The following PTGS2 variants were observed in gnomAD, a reference collection of about 807,000 sequenced individuals.
PTGS2 encodes prostaglandin-endoperoxide synthase 2.
In PTGS2, 14 loss-of-function variants were observed where a neutral mutation model predicts 63.8. The observed-to-expected ratio is 0.22, with a 90% CI of 0.14 to 0.34. The LOEUF is 0.34. Among genes scored for constraint, PTGS2 ranks in the 10% least tolerant of loss-of-function variants. The pLI is 1.00. For missense variants in PTGS2, 533 were observed against 738.5 expected (o/e 0.72, Z 3.23); for synonymous variants, 271 against 259.5 (o/e 1.04, Z -0.43).
Position 186,675,946 on chromosome 1 carries a change from A to G in PTGS2, c.1209T>C (p.His403=), listed in dbSNP as rs5279. The G allele has an allele frequency of 3.2e-3, 5,161 of 1,613,926 alleles. 150 individuals carry two copies. The African/African-American group carries it at 0.059, about 19-fold the overall frequency. ...FIYNNSILLE[H]GITQFVESFT... The stretch of plus-strand genomic sequence containing the variant: ...ATGATTCAACAAACTGGGTAATTCC[A>G]TGTTCCAGCAATATAGAGTTGTTGT... The change falls in exon 8 of 10, where the codon CAT becomes CAC. Residue 403 remains histidine (H), a synonymous_variant. Coordinates refer to ENST00000367468, the MANE Select transcript of PTGS2 (RefSeq NM_000963.4).
intron 5 of PTGS2, 49 bp from the exon 6 acceptor site, chr1:186,676,965 T>C (rs777493925): frequency 9.7e-6 from 13 of 1,346,692 alleles, no homozygotes; most frequent in Admixed American, 3.6e-5. Flanking sequence ...AAGTTTTTCT[T>C]ATATAAAGTG....
chr1:186,679,647 A>G (rs1179003812), intron 1 of PTGS2, among the ~76,000 whole-genome samples: 3 of 152,186 alleles, frequency 2.0e-5, no homozygotes, highest in South Asian at 2.1e-4. Flanking sequence ...AGCATATTCA[A>G]CTTGGTACAT....
rs201360946 is a variant in PTGS2 at position 186,672,266 on chromosome 1, A to G, written c.*2087T>C. On this transcript the variant is annotated 3_prime_UTR_variant, in exon 10 of 10. Coordinates refer to ENST00000367468, the MANE Select transcript of PTGS2 (RefSeq NM_000963.4). ...AAATTGTGGCTGAACAAATTAACGA[A>G]GCATCCACAGATCCCTCAAAACATT... The G allele has an allele frequency of 2.0e-5, 3 of 152,284 alleles. No individual in the cohort carries two copies. The highest frequency in any genetic ancestry group is 2.0e-4 in the Admixed American group (3 of 15,294). 9.4% of individuals were successfully genotyped at this position (152,284 alleles called of 1,614,324 possible). A position where few individuals can be genotyped will look rare whatever the true frequency, so the allele number is the denominator to read the frequency against.
In PTGS2 at chr1:186,674,511, G is replaced by A; in HGVS notation, c.1657C>T (p.Leu553Phe). The A allele has an allele frequency of 6.2e-7, 1 of 1,614,196 alleles. No individual in the cohort carries two copies. Among genetic ancestry groups the A allele is most frequent in the Non-Finnish European group, 8.5e-7 (1 of 1,180,036 alleles). ...CAGCCCTTCACGTTATTGCAGATGA[G>A]AGACTGAATTGAGGCAGTGTTGATG... is the stretch of plus-strand genomic sequence containing the variant. ...QIINTASIQS[L>F]ICNNVKGCPF... Residue 553 changes from leucine (L) to phenylalanine (F), a missense_variant, in exon 10 of 10, where the codon CTC becomes TTC. Leu to Phe is a conservative substitution (Grantham distance 22, BLOSUM62 0). This residue lies in a region of PTGS2 where 219 missense variants were observed against 267.4 expected (regional missense o/e 0.82). Coordinates refer to ENST00000367468, the MANE Select transcript of PTGS2 (RefSeq NM_000963.4).
At chr1:186,676,962 T>C (rs1368752221) in intron 5 of PTGS2, 46 bp from the exon 6 acceptor site, 1 of 1,429,860 alleles carries the variant, frequency 7.0e-7, no homozygotes, top group African/African-American at 1.4e-5. Context: ...TTGAAGTTTT[T>C]CTTATATAAA....
Position 186,672,682 on chromosome 1 carries a change from A to T in PTGS2, c.*1671T>A, listed in dbSNP as rs199505687. On this transcript the variant is annotated 3_prime_UTR_variant, in exon 10 of 10. Coordinates refer to ENST00000367468, the MANE Select transcript of PTGS2 (RefSeq NM_000963.4). ...TATCGTCATTATTATTATTGCTGAG[A>T]ACTACTTAGATATCATTTGGTTTTG... 1.3e-4 allele frequency: 20 copies of T among 152,652 alleles called. No homozygotes were observed. The East Asian group carries it at 2.5e-3, about 19-fold the overall frequency. 9.5% of individuals were successfully genotyped at this position (152,652 alleles called of 1,614,324 possible).
In PTGS2 at chr1:186,677,688, A is replaced by G. The variant is rs372267158; in HGVS notation, c.600T>C (p.His200=). Residue 200 remains histidine (H), a synonymous_variant, in exon 5 of 10, where the codon CAT becomes CAC. Coordinates refer to ENST00000367468, the MANE Select transcript of PTGS2 (RefSeq NM_000963.4). The part of the protein sequence containing the change: ...HFTHQFFKTD[H]KRGPAFTNGL... The stretch of plus-strand genomic sequence containing the variant: ...CGTTGGTGAAAGCTGGCCCTCGCTT[A>G]TGATCTGTCTTGAAAAACTGATGCG... 1 of 1,613,606 alleles carries G rather than the reference A, an allele frequency of 6.2e-7. No individual in the cohort carries two copies. The highest frequency in any genetic ancestry group is 1.1e-5 in the South Asian group (1 of 90,960).
chr1:186,679,563 A>C, intron 1 of PTGS2, 125 bp from the exon 2 acceptor site: 5 of 738,482 alleles, frequency 6.8e-6, no homozygotes, highest in South Asian at 1.9e-5. Context: ...TAGTCATGGA[A>C]ATACAATTTT....
chr1:186,674,877 A>G lies in PTGS2; in HGVS notation c.1406-115T>C. ...CTTCTCTGTTTCCATTTGACCCCTGATTCTTTTAAGAAGTTTAGGGGCCAG... is the reference window on the plus strand; with the variant it reads ...CTTCTCTGTTTCCATTTGACCCCTGGTTCTTTTAAGAAGTTTAGGGGCCAG... On this transcript the variant is annotated intron_variant, in intron 9 of 9. Transcript: ENST00000367468. 3 of 1,289,214 alleles carry G rather than the reference A, an allele frequency of 2.3e-6. No individual in the cohort carries two copies. The South Asian group carries it at 4.5e-5, about 19-fold the overall frequency. The allele number at this position is 1,289,214 out of a possible 1,614,324, so 79.9% of individuals were successfully genotyped here.
chr1:186,674,672 C>T lies in PTGS2; in HGVS notation c.1496G>A (p.Arg499Gln), dbSNP rs200408009. The T allele has an allele frequency of 1.9e-6, 3 of 1,614,150 alleles. No individual in the cohort carries two copies. Among genetic ancestry groups the T allele is most frequent in the South Asian group, 2.2e-5 (2 of 91,080 alleles). Residue 499 changes from arginine (R) to glutamine (Q), a missense_variant, in exon 10 of 10, where the codon CGG (arginine) becomes CAG (glutamine). Coordinates refer to ENST00000367468, the MANE Select transcript of PTGS2 (RefSeq NM_000963.4). ...GGTTTCACCAAAGATGGCATCTGGC[C>T]GAGGCTTTTCTACCAGAAGGGCAGG... ...LYPALLVEKPRPDAIFGETMV... is the reference protein window; with the variant it reads ...LYPALLVEKPQPDAIFGETMV...
chr1:186,672,663 C>CATT lies in PTGS2; in HGVS notation c.*1687_*1689dup, dbSNP rs1286582254. On this transcript the variant is annotated 3_prime_UTR_variant, in exon 10 of 10. Transcript: ENST00000367468. Reference sequence around the variant, plus strand: ...AGATGTGGAAAAGAAGTATTATCGTCATTATTATTATTGCTGAGAACTACT... The same window carrying CATT: ...AGATGTGGAAAAGAAGTATTATCGTCATTATTATTATTATTGCTGAGAACTACT... The CATT allele has an allele frequency of 2.0e-5, 3 of 152,412 alleles. No homozygotes were observed. In the East Asian group the frequency reaches 5.8e-4, roughly 29 times the overall value. The allele number at this position is 152,412 out of a possible 1,614,324, so 9.4% of individuals were successfully genotyped here.
In PTGS2 at chr1:186,672,989, T is replaced by C. The variant is rs577829403; in HGVS notation, c.*1364A>G. 3 of 152,090 alleles carry C rather than the reference T, an allele frequency of 2.0e-5. No individual in the cohort carries two copies. The highest frequency in any genetic ancestry group is 7.2e-5 in the African/African-American group (3 of 41,472). 9.4% of individuals were successfully genotyped at this position (152,090 alleles called of 1,614,324 possible). ...TTGCAAAAGTTCAGGTAAGAAAATA[T>C]AGGCAGAGTCCAAAGAAAGTGAACT... is the stretch of plus-strand genomic sequence containing the variant. On this transcript the variant is annotated 3_prime_UTR_variant, in exon 10 of 10. Coordinates refer to ENST00000367468, the MANE Select transcript of PTGS2 (RefSeq NM_000963.4).
chr1:186,673,605 C>G lies in PTGS2; in HGVS notation c.*748G>C, dbSNP rs909330860. 6.6e-6 allele frequency: 1 copy of G among 152,162 alleles called. No individual in the cohort carries two copies. Among genetic ancestry groups the G allele is most frequent in the Admixed American group, 6.5e-5 (1 of 15,272 alleles). 9.4% of individuals were successfully genotyped at this position (152,162 alleles called of 1,614,324 possible). On this transcript the variant is annotated 3_prime_UTR_variant, in exon 10 of 10. Transcript: ENST00000367468. ...ATTTTGATTTAAAAGGAAGTTTTAACAGTCACACTAAAAAGGTTTATACTC... is the reference window on the plus strand; with the variant it reads ...ATTTTGATTTAAAAGGAAGTTTTAAGAGTCACACTAAAAAGGTTTATACTC...
In PTGS2 at chr1:186,679,339, C is replaced by T; in HGVS notation, c.152G>A (p.Gly51Glu). ...AAACTTACGTGTTGAGCAGTTTTCT[C>T]CATAGAATCCTGTCCGGGTACAATC... is the stretch of plus-strand genomic sequence containing the variant. Reference protein sequence around the residue: ...KCDCTRTGFYGENCSTPEFLT... With the variant: ...KCDCTRTGFYEENCSTPEFLT... Residue 51 changes from glycine (G) to glutamate (E), a missense_variant, in exon 2 of 10, where the codon GGA becomes GAA. Around this residue, in one of 5 missense-constraint regions of PTGS2, gnomAD observed 118 missense variants for 144.6 expected, o/e 0.82. Coordinates refer to ENST00000367468, the MANE Select transcript of PTGS2 (RefSeq NM_000963.4). 1 of 1,614,114 alleles carries T rather than the reference C, an allele frequency of 6.2e-7. No homozygotes were observed. The highest frequency in any genetic ancestry group is 8.5e-7 in the Non-Finnish European group (1 of 1,180,014).
Position 186,676,921 on chromosome 1 carries a change from A to G in PTGS2, c.640-5T>C. 1 of 1,598,722 alleles carries G rather than the reference A, an allele frequency of 6.3e-7. No individual in the cohort carries two copies. The highest frequency in any genetic ancestry group is 8.5e-7 in the Non-Finnish European group (1 of 1,173,416). On this transcript the variant is annotated splice_region_variant and splice_polypyrimidine_tract_variant and intron_variant, in intron 5 of 9. Coordinates refer to ENST00000367468, the MANE Select transcript of PTGS2 (RefSeq NM_000963.4). ...GTAAATATGATTTAAGTCCACCTAGAAAATGATGAAAAAATTTTAATTTGT... is the reference window on the plus strand; with the variant it reads ...GTAAATATGATTTAAGTCCACCTAGGAAATGATGAAAAAATTTTAATTTGT...
intron 1 of PTGS2, 117 bp downstream of exon 1, chr1:186,680,122 G>C (rs1165976538): frequency 4.8e-6 from 7 of 1,449,054 alleles, no homozygotes; most frequent in Admixed American, 4.3e-5. Flanking sequence ...CCCAAGTCAC[G>C]TAGCTTCTCT....
chr1:186,680,133 A>G, intron 1 of PTGS2, 106 bp downstream of exon 1: 1 of 1,485,788 alleles, frequency 6.7e-7, no homozygotes, highest in Non-Finnish European at 9.1e-7. Context: ...TAGCTTCTCT[A>G]TTCGGAGAGA....
intron 3 of PTGS2, among the ~76,000 whole-genome samples, chr1:186,678,685 A>G (rs2102007231): frequency 6.6e-6 from 1 of 152,336 alleles, no homozygotes; most frequent in East Asian, 1.9e-4. Flanking sequence ...ATGGCTGAGT[A>G]TGGCACCCAC....
chr1:186,677,799 A>G lies in PTGS2; in HGVS notation c.489T>C (p.Ile163=). The G allele has an allele frequency of 6.2e-7, 1 of 1,613,628 alleles. No homozygotes were observed. Among genetic ancestry groups the G allele is most frequent in the Non-Finnish European group, 8.5e-7 (1 of 1,179,826 alleles). Residue 163 remains isoleucine (I), a synonymous_variant, in exon 5 of 10, where the codon ATT becomes ATC. Coordinates refer to ENST00000367468, the MANE Select transcript of PTGS2 (RefSeq NM_000963.4). ...GKKQLPDSNE[I]VEKLLLRRKF... ...TTCTTCTTAGAAGCAATTTTTCCAC[A>G]ATCTCATTTGAATCAGGAAGCTGCT...
Sources: allele counts gnomAD v4.1 joint callset (sites outside exome capture counted in the v4.1 genomes callset), GRCh38; gene constraint gnomAD v4.1.1; regional missense constraint gnomAD v4.1.1; transcripts MANE v1.5; gene names NCBI Gene and HGNC (gene_info 2026-07-23, HGNC 2026-07-21).